NMRK1: variants seen among roughly 807,000 people sequenced by gnomAD.
NMRK1 encodes NRK 1.
In NMRK1, 28 loss-of-function variants were observed where a neutral mutation model predicts 29.9. That is an observed-to-expected ratio of 0.94 (90% CI 0.69 to 1.28). NMRK1 has a LOEUF of 1.28. Ranked by LOEUF, NMRK1 falls within the 50% of genes most tolerant of loss-of-function variation. The pLI is 0.00. For missense variants in NMRK1, 218 were observed against 233.1 expected, an observed-to-expected ratio of 0.94 and a Z score of 0.42; for synonymous variants, 58 against 73.0, an observed-to-expected ratio of 0.79 and a Z score of 1.05.
At chr9:75,069,676 G>A in intron 6 of NMRK1, 66 bp downstream of exon 6, 1 of 1,259,312 alleles carries the variant, frequency 7.9e-7, no homozygotes, top group Admixed American at 1.7e-5. Context: ...TAATGTTGCT[G>A]TCCTCATTTT....
chr9:75,077,037 G>C (rs967815179), intron 4 of NMRK1, 122 bp downstream of exon 4: 12 of 645,962 alleles, frequency 1.9e-5, no homozygotes, highest in African/African-American at 1.7e-4. Context: ...CACAGATATA[G>C]TGAAGTTCTT....
Position 75,086,933 on chromosome 9 carries a change from G to C in NMRK1, c.-36+1075C>G, listed in dbSNP as rs537244600. Among the ~76,000 whole-genome samples the C allele has an allele frequency of 1.4e-5, 2 of 144,480 alleles. 1 individual carries two copies. The highest frequency in any genetic ancestry group is 3.0e-5 in the Non-Finnish European group (2 of 66,680). The allele number at this position is 144,480 out of a possible 152,430, so 94.8% of individuals were successfully genotyped here. Reference sequence around the variant, plus strand: ...GTTTTTTTTTTTTTTTTAAGACAGAGTCTCGCTCTGTTGCCAGGCTGGAGT... The same window carrying C: ...GTTTTTTTTTTTTTTTTAAGACAGACTCTCGCTCTGTTGCCAGGCTGGAGT... On this transcript the variant is annotated intron_variant, in intron 1 of 8. Transcript: ENST00000361092.
At chr9:75,084,036 T>C (rs1249777097) in intron 1 of NMRK1, among the ~76,000 whole-genome samples, 3 of 152,310 alleles carry the variant, frequency 2.0e-5, no homozygotes, top group South Asian at 2.1e-4. Flanking sequence ...CACTGTTTTG[T>C]GGATTTTTGG....
At chr9:75,083,955 A>G (rs146405772) in intron 1 of NMRK1, among the ~76,000 whole-genome samples, 17 of 152,318 alleles carry the variant, frequency 1.1e-4, no homozygotes, top group African/African-American at 3.8e-4. Flanking sequence ...ATTTCTCTTA[A>G]TTGGATTTCT....
intron 1 of NMRK1, among the ~76,000 whole-genome samples, chr9:75,086,908 GT>G (rs10652376): frequency 0.01 from 1,480 of 143,172 alleles, 30 homozygotes; most frequent in African/African-American, 0.034. Flanking sequence ...TCAAGGCTGG[GT>G]TTTTTTTTTT....
At chr9:75,084,201 G>A (rs1160626152) in intron 1 of NMRK1, among the ~76,000 whole-genome samples, 1 of 152,228 alleles carries the variant, frequency 6.6e-6, no homozygotes, top group East Asian at 1.9e-4. Flanking sequence ...CATCCCTGAA[G>A]GCCACTCTTC....
intron 2 of NMRK1, among the ~76,000 whole-genome samples, chr9:75,080,009 C>T (rs1308090927): frequency 3.9e-5 from 6 of 152,122 alleles, no homozygotes; most frequent in African/African-American, 1.4e-4. Context: ...CAACTCCTGG[C>T]CCATTTATTT....
At chr9:75,066,102 C>T (rs542172833) in intron 8 of NMRK1, among the ~76,000 whole-genome samples, 19 of 152,236 alleles carry the variant, frequency 1.2e-4, no homozygotes, top group Admixed American at 5.2e-4. Flanking sequence ...TTGTGAAAAA[C>T]GAGACCTTGG....
chr9:75,083,157 G>C lies in NMRK1; in HGVS notation c.-35-7C>G, dbSNP rs760294560. On this transcript the variant is annotated splice_polypyrimidine_tract_variant and splice_region_variant and intron_variant, in intron 1 of 8. Coordinates refer to ENST00000361092, the MANE Select transcript of NMRK1 (RefSeq NM_017881.3). ...CACAGCTTCCTAATATTTCCTAAAA[G>C]TAAAAAAACAAACAAACAAATCAAA... 36 of 1,394,218 alleles carry C rather than the reference G, an allele frequency of 2.6e-5. 1 individual carries two copies. The South Asian group carries it at 3.8e-4, about 15-fold the overall frequency. The allele number at this position is 1,394,218 out of a possible 1,614,324, so 86.4% of individuals were successfully genotyped here.
chr9:75,078,552 T>C, intron 2 of NMRK1: 1 of 1,280,198 alleles, frequency 7.8e-7, no homozygotes, highest in Non-Finnish European at 9.9e-7. Flanking sequence ...CAGTCATTTA[T>C]TGAAAGCGTG....
chr9:75,083,367 C>T (rs866256308), intron 1 of NMRK1, among the ~76,000 whole-genome samples: 6 of 152,148 alleles, frequency 3.9e-5, no homozygotes, highest in East Asian at 1.9e-4. Flanking sequence ...AACAGTTCAA[C>T]GTCAGGTGAC....
intron 2 of NMRK1, chr9:75,078,382 G>A (rs1252579866): frequency 6.4e-7 from 1 of 1,566,828 alleles, no homozygotes; most frequent in African/African-American, 1.4e-5. Context: ...TCCACCTGGG[G>A]GCCAGCTGGG....
intron 7 of NMRK1, 75 bp downstream of exon 7, chr9:75,068,921 T>C: frequency 1.0e-6 from 1 of 971,142 alleles, no homozygotes; most frequent in Non-Finnish European, 1.6e-6. Flanking sequence ...TACTTTTCTA[T>C]GAGTCCTTTC....
At chr9:75,083,382 C>T (rs1403733823) in intron 1 of NMRK1, among the ~76,000 whole-genome samples, 19 of 152,166 alleles carry the variant, frequency 1.2e-4, no homozygotes, top group Admixed American at 5.2e-4. Context: ...GGTGACCTGC[C>T]GGAGCACTCC....
At chr9:75,070,117 A>G in intron 4 of NMRK1, 75 bp from the exon 5 acceptor site, 1 of 1,173,016 alleles carries the variant, frequency 8.5e-7, no homozygotes, top group Non-Finnish European at 1.2e-6. Context: ...TGATGAGTAT[A>G]TCCAGGATTC....
intron 2 of NMRK1, among the ~76,000 whole-genome samples, chr9:75,081,762 G>A (rs1322647772): frequency 6.6e-6 from 1 of 152,136 alleles, no homozygotes; most frequent in Admixed American, 6.5e-5. Flanking sequence ...CTTTTACCAT[G>A]GTGGCTGAGT....
chr9:75,074,879 C>T (rs1161160342), intron 4 of NMRK1, among the ~76,000 whole-genome samples: 1 of 152,138 alleles, frequency 6.6e-6, no homozygotes, highest in Non-Finnish European at 1.5e-5. Context: ...TCAAGTTTTT[C>T]CTTAAGATAG....
intron 8 of NMRK1, chr9:75,066,245 G>A (rs1161183332): frequency 1.9e-6 from 1 of 518,310 alleles, no homozygotes; most frequent in Non-Finnish European, 3.9e-6. Flanking sequence ...TTCTGCTGTA[G>A]CCATATTTAG....
At chr9:75,070,348 C>T (rs979287142) in intron 4 of NMRK1, among the ~76,000 whole-genome samples, 6 of 152,126 alleles carry the variant, frequency 3.9e-5, no homozygotes, top group East Asian at 1.9e-4. Context: ...CTTATAACTT[C>T]GATTCTCTCC....
Sources: gnomAD v4.1 joint callset for allele counts (sites outside exome capture counted in the v4.1 genomes callset) on GRCh38, gnomAD v4.1.1 for gene constraint, MANE v1.5 for transcripts, NCBI Gene and HGNC (gene_info 2026-07-23, HGNC 2026-07-21) for gene names.